Variants in DIPK1A observed in about 807,000 individuals in gnomAD.
DIPK1A encodes the protein divergent protein kinase domain 1A.
Under a neutral mutation model 40.8 loss-of-function variants are expected in DIPK1A, and 27 were observed. The observed-to-expected ratio is 0.66, with a 90% CI of 0.49 to 0.91. DIPK1A has a LOEUF of 0.91. DIPK1A is among the 40% of genes least tolerant of loss of function. DIPK1A has a pLI of 0.00. For missense variants in DIPK1A, 412 were observed against 505.7 expected (o/e 0.81, Z 1.78); for synonymous variants, 166 against 171.3 (o/e 0.97, Z 0.24).
chr1:92,864,651 C>G (rs944205944), intron 2 of DIPK1A, among the ~76,000 whole-genome samples: 15 of 151,912 alleles, frequency 9.9e-5, no homozygotes, highest in Admixed American at 5.2e-4. Context: ...CAAAGTCAAA[C>G]TGTAAAATTT....
At chr1:92,938,881 A>G (rs765584466) in intron 1 of DIPK1A, among the ~76,000 whole-genome samples, 46 of 152,304 alleles carry the variant, frequency 3.0e-4, no homozygotes, top group Non-Finnish European at 6.3e-4. Flanking sequence ...TTAAAGTTGG[A>G]TAATGTCAGA....
At chr1:92,833,744 A>G (rs1013212765) in intron 4 of DIPK1A, 5 of 1,099,970 alleles carry the variant, frequency 4.5e-6, no homozygotes, top group Middle Eastern at 2.8e-4. Flanking sequence ...TGTGTGTTAG[A>G]AGGGCTGTCT....
At chr1:92,836,557 C>A in intron 4 of DIPK1A, 1 of 662,040 alleles carries the variant, frequency 1.5e-6, no homozygotes, top group Non-Finnish European at 2.7e-6. Flanking sequence ...GGAATTATAG[C>A]CCATTTTATA....
downstream of DIPK1A, chr1:92,842,035 ACTTTTT>A: frequency 2.5e-6 from 2 of 788,598 alleles, no homozygotes; most frequent in Non-Finnish European, 3.7e-6. Flanking sequence ...AGTGTAACTA[ACTTTTT>A]AAGAAAAAAA....
intron 2 of DIPK1A, 120 bp from the exon 3 acceptor site, chr1:92,851,075 TAGAC>T (rs1428227594): frequency 6.1e-6 from 4 of 651,780 alleles, no homozygotes; most frequent in East Asian, 2.8e-5. Context: ...GCTTTGGACT[TAGAC>T]AGACCTGGAT....
intron 1 of DIPK1A, among the ~76,000 whole-genome samples, chr1:92,919,462 G>A (rs1237002752): frequency 6.6e-6 from 1 of 151,940 alleles, no homozygotes; most frequent in Non-Finnish European, 1.5e-5. Flanking sequence ...TTCTTCTTTC[G>A]AAGTACCTTT....
chr1:92,869,152 C>CTATTATTATTATTATTATTAT (rs10688368), intron 2 of DIPK1A, among the ~76,000 whole-genome samples: 3 of 146,302 alleles, frequency 2.1e-5, no homozygotes, highest in African/African-American at 7.5e-5. Flanking sequence ...AAATATTACA[C>CTATTATTATTATTATTATTAT]TATTATTATT....
At chr1:92,920,575 G>T (rs999976860) in intron 1 of DIPK1A, among the ~76,000 whole-genome samples, 1 of 152,230 alleles carries the variant, frequency 6.6e-6, no homozygotes, top group African/African-American at 2.4e-5. Flanking sequence ...AGCTGGAGGT[G>T]ATACAGGCAG....
At chr1:92,866,076 A>G (rs1647521230) in intron 2 of DIPK1A, among the ~76,000 whole-genome samples, 1 of 152,154 alleles carries the variant, frequency 6.6e-6, no homozygotes, top group Non-Finnish European at 1.5e-5. Flanking sequence ...AGATATAAAA[A>G]GAAACCTCCA....
Position 92,834,824 on chromosome 1 carries a change from T to A in DIPK1A, c.475-1790A>T, listed in dbSNP as rs1043234543. On this transcript the variant is annotated intron_variant, in intron 4 of 4. Transcript: ENST00000615519. ...GGGGGATATGATAGTCTGCGCAGCG[T>A]ATGCACACGAACTGCCAAAATATGG... The A allele has an allele frequency of 3.7e-6, 6 of 1,612,264 alleles. No homozygotes were observed. Among genetic ancestry groups the A allele is most frequent in the Admixed American group, 1.7e-5 (1 of 59,992 alleles).
chr1:92,877,944 A>G (rs1034119929), intron 1 of DIPK1A, among the ~76,000 whole-genome samples: 3 of 152,240 alleles, frequency 2.0e-5, no homozygotes, highest in African/African-American at 7.2e-5. Context: ...GTATTCAGCA[A>G]ATGTTAGCTA....
At chr1:92,874,973 A>G (rs1004453718) in intron 2 of DIPK1A, among the ~76,000 whole-genome samples, 2 of 152,094 alleles carry the variant, frequency 1.3e-5, no homozygotes, top group African/African-American at 4.8e-5. Flanking sequence ...GCCAGTTGGA[A>G]TGAACACAGG....
intron 1 of DIPK1A, among the ~76,000 whole-genome samples, chr1:92,952,079 A>C (rs1423822650): frequency 6.8e-6 from 1 of 147,176 alleles, no homozygotes; most frequent in Non-Finnish European, 1.5e-5. Flanking sequence ...AAAAAAAAAA[A>C]CACACACAAA....
intron 1 of DIPK1A, among the ~76,000 whole-genome samples, chr1:92,893,073 A>T (rs1328875360): frequency 1.3e-5 from 2 of 152,084 alleles, no homozygotes; most frequent in Non-Finnish European, 2.9e-5. Flanking sequence ...GTTGGAAAAC[A>T]CTCTGCAGGA....
chr1:92,960,416 G>A (rs772477760), intron 1 of DIPK1A, among the ~76,000 whole-genome samples: 1 of 152,118 alleles, frequency 6.6e-6, no homozygotes, highest in Non-Finnish European at 1.5e-5. Context: ...AAGGAATACT[G>A]TCCTCTGAAT....
In DIPK1A at chr1:92,850,703, T is replaced by C. The variant is rs889188112; in HGVS notation, c.297+145A>G. The stretch of plus-strand genomic sequence containing the variant: ...AAATTAAAATAAAATAAATGTCTGT[T>C]TAATGAATGAATCAAAGCATACAAA... On this transcript the variant is annotated intron_variant, in intron 3 of 4. Coordinates refer to ENST00000370310, the MANE Select transcript of DIPK1A (RefSeq NM_001006605.5). 47 of 599,894 alleles carry C rather than the reference T, an allele frequency of 7.8e-5. 1 individual carries two copies. In the Admixed American group the frequency reaches 9.8e-4, roughly 13 times the overall value. The allele number at this position is 599,894 out of a possible 1,614,324, so 37.2% of individuals were successfully genotyped here. A position where few individuals can be genotyped will look rare whatever the true frequency, so the allele number is the denominator to read the frequency against.
chr1:92,833,342 C>T (rs369728038), intron 4 of DIPK1A: 20 of 1,440,630 alleles, frequency 1.4e-5, no homozygotes, highest in Non-Finnish European at 2.0e-5. Context: ...TCAAAAGTAT[C>T]ATAGGCTAAG....
At chr1:92,955,038 T>C (rs1221264454) in intron 1 of DIPK1A, among the ~76,000 whole-genome samples, 3 of 152,126 alleles carry the variant, frequency 2.0e-5, no homozygotes, top group African/African-American at 2.4e-5. Context: ...TGAAAAGCCA[T>C]AGAGGAGACG....
intron 1 of DIPK1A, among the ~76,000 whole-genome samples, chr1:92,880,543 G>A (rs1648318264): frequency 1.3e-5 from 2 of 152,074 alleles, no homozygotes; most frequent in Admixed American, 1.3e-4. Context: ...TTAAAAATAG[G>A]CAGAAAGAGG....
Sources: allele counts gnomAD v4.1 joint callset (sites outside exome capture counted in the v4.1 genomes callset), GRCh38; gene constraint gnomAD v4.1.1; transcripts MANE v1.5; gene names NCBI Gene and HGNC (gene_info 2026-07-23, HGNC 2026-07-21).